PGM1: variants seen among roughly 807,000 people sequenced by gnomAD.
PGM1 encodes the protein phosphoglucomutase-1.
In PGM1, 52 loss-of-function variants were observed where a neutral mutation model predicts 55.6. That is an observed-to-expected ratio of 0.94 (90% CI 0.75 to 1.18). PGM1 has a LOEUF of 1.18. PGM1 is among the 50% of genes most tolerant of loss of function. The probability of loss-of-function intolerance (pLI) is 0.00; values close to 1 mark genes in which losing one functional copy is unlikely to be tolerated. For missense variants in PGM1, 724 were observed against 729.3 expected, an observed-to-expected ratio of 0.99 and a Z score of 0.08; for synonymous variants, 287 against 271.7, an observed-to-expected ratio of 1.06 and a Z score of -0.55.
intron 7 of PGM1, among the ~76,000 whole-genome samples, chr1:63,646,051 G>A (rs1388644411): frequency 6.6e-6 from 1 of 152,122 alleles, no homozygotes; most frequent in Non-Finnish European, 1.5e-5. Context: ...GACTGCCTAG[G>A]GAAGTTGGGA....
At chr1:63,623,772 A>G (rs1345289687) in intron 1 of PGM1, 2 of 1,585,472 alleles carry the variant, frequency 1.3e-6, no homozygotes, top group Admixed American at 1.7e-5. Flanking sequence ...TGGGTATATG[A>G]TAAGTATTGT....
intron 1 of PGM1, among the ~76,000 whole-genome samples, chr1:63,612,400 C>T (rs188927566): frequency 1.3e-5 from 2 of 152,212 alleles, no homozygotes; most frequent in African/African-American, 4.8e-5. Flanking sequence ...TGAACCCATA[C>T]GTAGAATGAT....
chr1:63,630,116 C>T (rs1247171870), intron 3 of PGM1, 28 bp downstream of exon 3: 1 of 1,609,740 alleles, frequency 6.2e-7, no homozygotes, highest in South Asian at 1.1e-5. Context: ...CTCTTTCTGC[C>T]CACTCCTATT....
intron 7 of PGM1, among the ~76,000 whole-genome samples, chr1:63,646,872 T>C (rs1304903039): frequency 6.6e-6 from 1 of 152,206 alleles, no homozygotes; most frequent in East Asian, 1.9e-4. Flanking sequence ...TGGCCTGTTT[T>C]TCTATTGAAA....
chr1:63,598,378 G>A (rs1648142138), intron 1 of PGM1, among the ~76,000 whole-genome samples: 1 of 152,154 alleles, frequency 6.6e-6, no homozygotes, highest in African/African-American at 2.4e-5. Context: ...AACCAGATTT[G>A]TGATATATCA....
At chr1:63,644,867 T>A (rs1282045580) in intron 7 of PGM1, among the ~76,000 whole-genome samples, 3 of 152,114 alleles carry the variant, frequency 2.0e-5, no homozygotes, top group African/African-American at 4.8e-5. Flanking sequence ...AAAATGTGAT[T>A]TGTCCAAATT....
At chr1:63,600,737 A>G (rs1304055540) in intron 1 of PGM1, among the ~76,000 whole-genome samples, 1 of 152,232 alleles carries the variant, frequency 6.6e-6, no homozygotes, top group African/African-American at 2.4e-5. Flanking sequence ...AGACAGAGGA[A>G]GAGTTAGATG....
chr1:63,620,154 C>A (rs1438282441), intron 1 of PGM1, among the ~76,000 whole-genome samples: 1 of 152,158 alleles, frequency 6.6e-6, no homozygotes, highest in Admixed American at 6.5e-5. Flanking sequence ...CTAGATTGTA[C>A]CTCTCATACA....
chr1:63,614,033 T>C (rs2100969244), intron 1 of PGM1, among the ~76,000 whole-genome samples: 1 of 152,346 alleles, frequency 6.6e-6, no homozygotes, highest in Non-Finnish European at 1.5e-5. Flanking sequence ...CTCAGTTTCC[T>C]TATCAGTAAA....
intron 1 of PGM1, among the ~76,000 whole-genome samples, chr1:63,606,865 A>C (rs2100962236): frequency 6.6e-6 from 1 of 152,374 alleles, no homozygotes; most frequent in Non-Finnish European, 1.5e-5. Flanking sequence ...ATGGGCAGCT[A>C]GATTTTTGGA....
rs574355735 is a variant in PGM1 at position 63,636,335 on chromosome 1, G to T, written c.975G>T (p.Gln325His). ...TCTTCAGCATTCCGTATTTCCAGCA[G>T]ACTGGGGTCCGCGGCTTTGCACGGA... ...ANIFSIPYFQ[Q>H]TGVRGFARSM... Residue 325 changes from glutamine (Q) to histidine (H), a missense_variant, in exon 6 of 11, where the codon CAG becomes CAT. This residue lies in a region of PGM1 where 29 missense variants were observed against 58.7 expected (regional missense o/e 0.49). Coordinates refer to ENST00000371084, the MANE Select transcript of PGM1 (RefSeq NM_002633.3). The T allele has an allele frequency of 4.3e-5, 70 of 1,614,054 alleles. No homozygotes were observed. Among genetic ancestry groups the T allele is most frequent in the Non-Finnish European group, 5.6e-5 (66 of 1,180,020 alleles).
intron 3 of PGM1, 98 bp downstream of exon 3, chr1:63,630,186 T>G (rs1649157394): frequency 8.6e-7 from 1 of 1,169,172 alleles, no homozygotes; most frequent in East Asian, 2.3e-5. Context: ...TTTGGAAAGA[T>G]TTCCGTGAGT....
intron 1 of PGM1, among the ~76,000 whole-genome samples, chr1:63,625,035 A>G (rs1046371582): frequency 1.3e-5 from 2 of 152,264 alleles, no homozygotes; most frequent in African/African-American, 4.8e-5. Flanking sequence ...AGGGAACAGT[A>G]TTAAGATGCT....
At chr1:63,656,092 G>T (rs1031805735) in intron 10 of PGM1, 2 of 152,188 alleles carry the variant, frequency 1.3e-5, no homozygotes, top group African/African-American at 4.8e-5. Flanking sequence ...GAGAAGACTT[G>T]CAGTAAAGGT....
Position 63,659,594 on chromosome 1 carries a change from G to A in PGM1, c.1608G>A (p.Leu536=). 6.2e-7 allele frequency: 1 copy of A among 1,613,488 alleles called. No homozygotes were observed. Among genetic ancestry groups the A allele is most frequent in the South Asian group, 1.1e-5 (1 of 91,044 alleles). ...AKINQDPQVM[L]APLISIALKV... ...CTCTATGTCTTCCTCAGGTCATGTT[G>A]GCCCCCCTTATTTCCATTGCTCTGA... is the stretch of plus-strand genomic sequence containing the variant. Residue 536 remains leucine, a synonymous_variant, in exon 11 of 11, where the codon TTG becomes TTA. Coordinates refer to ENST00000371084, the MANE Select transcript of PGM1 (RefSeq NM_002633.3).
At chr1:63,599,081 T>G (rs1293820722) in intron 1 of PGM1, among the ~76,000 whole-genome samples, 1 of 152,218 alleles carries the variant, frequency 6.6e-6, no homozygotes, top group Admixed American at 6.5e-5. Context: ...TCTTGGGTAG[T>G]TGGAGTTAGG....
intron 7 of PGM1, among the ~76,000 whole-genome samples, chr1:63,642,947 G>C (rs1294574456): frequency 6.6e-6 from 1 of 152,182 alleles, no homozygotes; most frequent in Admixed American, 6.5e-5. Flanking sequence ...TGGTGAACAA[G>C]GCCTTCTCAT....
rs773321431 is a variant in PGM1, at chr1:63,651,813, A to T, written c.1425A>T (p.Glu475Asp). 6.2e-7 allele frequency: 1 copy of T among 1,613,992 alleles called. No individual in the cohort carries two copies. The highest frequency in any genetic ancestry group is 2.2e-5 in the East Asian group (1 of 44,890). ...CTGTGGAGAAGGCCGATAACTTTGA[A>T]TACAGCGACCCAGTGGATGGAAGCA... ...VYTVEKADNF[E>D]YSDPVDGSIS... Residue 475 changes from glutamate to aspartate, a missense_variant, in exon 9 of 11, where the codon GAA (glutamate) becomes GAT (aspartate). By Grantham distance (45) the Glu-to-Asp change is conservative. Transcript: ENST00000371084.
chr1:63,645,877 A>G (rs3790858), intron 7 of PGM1, among the ~76,000 whole-genome samples: 29,132 of 152,150 alleles, frequency 0.19, 3,256 homozygotes, highest in Admixed American at 0.33. Flanking sequence ...GTGCTATGCT[A>G]GTCACCAGAC....
Sources: gnomAD v4.1 joint callset for allele counts (sites outside exome capture counted in the v4.1 genomes callset) on GRCh38, gnomAD v4.1.1 for gene constraint, gnomAD v4.1.1 regional missense constraint, MANE v1.5 for transcripts, NCBI Gene and HGNC (gene_info 2026-07-23, HGNC 2026-07-21) for gene names.